Variants in CXADR observed in about 807,000 individuals in gnomAD.
CXADR encodes coxsackievirus and adenovirus receptor.
CXADR carries 20 observed loss-of-function variants against 40.3 expected under a neutral mutation model. The ratio of observed to expected loss-of-function variants is 0.50; its 90% CI spans 0.35 to 0.72. CXADR has a LOEUF of 0.72. Among genes scored for constraint, CXADR ranks in the 30% least tolerant of loss-of-function variants. The probability of loss-of-function intolerance (pLI) is 0.01; values close to 1 mark genes in which losing one functional copy is unlikely to be tolerated. For synonymous variants in CXADR, 150 were observed against 161.3 expected (o/e 0.93, Z 0.53); for missense variants, 332 against 449.1 (o/e 0.74, Z 2.36).
Position 17,568,635 on chromosome 21 carries a change from C to T in CXADR, c.*2943C>T, listed in dbSNP as rs547446586. 21 of 983,696 alleles carry T rather than the reference C, an allele frequency of 2.1e-5. No individual in the cohort carries two copies. The highest frequency in any genetic ancestry group is 1.9e-4 in the Admixed American group (3 of 16,146). 60.9% of individuals were successfully genotyped at this position (983,696 alleles called of 1,614,324 possible). ...CAAACTGCTGGGCTCAGGAGATCCT[C>T]CTGCCTTGGCCTCCCAAATTGCTGG... On this transcript the variant is annotated 3_prime_UTR_variant, in exon 7 of 7. Coordinates refer to ENST00000284878, the MANE Select transcript of CXADR (RefSeq NM_001338.5).
chr21:17,589,415 C>T lies in CXADR; in HGVS notation c.1018-3737C>T, dbSNP rs367927934. Among the ~76,000 whole-genome samples the T allele has an allele frequency of 1.8e-4, 28 of 152,074 alleles. No individual in the cohort carries two copies. The East Asian group carries it at 3.7e-3, about 20-fold the overall frequency. On this transcript the variant is annotated intron_variant, in intron 7 of 7. Transcript: ENST00000400169. ...CCCTTTGAGAAAGTGTCTTTTTACC[C>T]TCCAGTTACAAAGTAATAATGCTCA...
chr21:17,606,622 T>C, the CXADR span, among the ~76,000 whole-genome samples: 2 of 152,134 alleles, frequency 1.3e-5, no homozygotes, highest in African/African-American at 4.8e-5. Context: ...TATATAAATA[T>C]AGATGCTTAA....
chr21:17,635,381 C>G, the CXADR span, among the ~76,000 whole-genome samples: 1 of 151,962 alleles, frequency 6.6e-6, no homozygotes, highest in South Asian at 2.1e-4. Flanking sequence ...GGATGTTTTT[C>G]CTTTTATTTA....
chr21:17,623,483 C>T, the CXADR span, among the ~76,000 whole-genome samples: 1 of 152,158 alleles, frequency 6.6e-6, no homozygotes, highest in South Asian at 2.1e-4. Flanking sequence ...AGCATCACTC[C>T]TCTCTTTACA....
In CXADR at chr21:17,567,153, G is replaced by A; in HGVS notation, c.*1461G>A. On this transcript the variant is annotated 3_prime_UTR_variant, in exon 7 of 7. Transcript: ENST00000284878. ...CGGTCTGCAATAAATTATTTCACTA[G>A]CTCTAAAACCTTTCCCTAGATTTTA... 2 of 984,694 alleles carry A rather than the reference G, an allele frequency of 2.0e-6. No individual in the cohort carries two copies. The highest frequency in any genetic ancestry group is 2.4e-6 in the Non-Finnish European group (2 of 829,336). 61.0% of individuals were successfully genotyped at this position (984,694 alleles called of 1,614,324 possible). A position where few individuals can be genotyped will look rare whatever the true frequency, so the allele number is the denominator to read the frequency against.
intron 1 of CXADR, among the ~76,000 whole-genome samples, chr21:17,544,981 T>G (rs996145181): frequency 6.6e-6 from 1 of 152,088 alleles, no homozygotes; most frequent in Non-Finnish European, 1.5e-5. Context: ...TTTGGTTTGT[T>G]CTGTCAAAAT....
the CXADR span, among the ~76,000 whole-genome samples, chr21:17,610,426 G>C: frequency 5.3e-5 from 8 of 152,264 alleles, 1 homozygote; most frequent in South Asian, 1.7e-3. Flanking sequence ...CAAGTTAAGA[G>C]ACACAAAAAC....
chr21:17,561,569 T>A (rs1425506201), intron 6 of CXADR, 93 bp downstream of exon 6: 1 of 1,104,886 alleles, frequency 9.1e-7, no homozygotes, highest in Non-Finnish European at 1.3e-6. Flanking sequence ...CAAAGCATCT[T>A]TCTTAGGAGA....
intron 1 of CXADR, among the ~76,000 whole-genome samples, chr21:17,513,513 T>C (rs910525484): frequency 6.6e-5 from 10 of 152,238 alleles, no homozygotes; most frequent in Admixed American, 4.6e-4. Context: ...TTCTTTGCTC[T>C]CGCCGTCTCC....
At position 17,567,081 on chromosome 21, in the gene CXADR, G is replaced by A. The variant is rs934822342; in HGVS notation, c.*1389G>A. On this transcript the variant is annotated 3_prime_UTR_variant, in exon 7 of 7. Transcript: ENST00000284878. ...TTGTATTTCCCTTAAGATTGTGAGG[G>A]AGTGTGGATACAGTAGAATGAGCCA... is the stretch of plus-strand genomic sequence containing the variant. The A allele has an allele frequency of 5.1e-6, 5 of 981,468 alleles. No individual in the cohort carries two copies. In the African/African-American group the frequency reaches 8.7e-5, roughly 17 times the overall value. The allele number at this position is 981,468 out of a possible 1,614,324, so 60.8% of individuals were successfully genotyped here. A position where few individuals can be genotyped will look rare whatever the true frequency, so the allele number is the denominator to read the frequency against.
downstream of CXADR, among the ~76,000 whole-genome samples, chr21:17,573,321 C>T (rs1442998624): frequency 5.3e-5 from 8 of 152,228 alleles, no homozygotes; most frequent in South Asian, 8.3e-4. Flanking sequence ...GAGACTTCAA[C>T]ATAGAGGTGT....
chr21:17,575,280 G>T (rs188995730), intron 7 of CXADR, among the ~76,000 whole-genome samples: 1 of 152,070 alleles, frequency 6.6e-6, no homozygotes, highest in African/African-American at 2.4e-5. Flanking sequence ...GATCTTCTTT[G>T]CTCAGCAATA....
chr21:17,553,433 C>T (rs1311990855), intron 3 of CXADR, among the ~76,000 whole-genome samples: 1 of 152,032 alleles, frequency 6.6e-6, no homozygotes, highest in Non-Finnish European at 1.5e-5. Flanking sequence ...CATTCTGAAT[C>T]GCACTAACTA....
intron 7 of CXADR, among the ~76,000 whole-genome samples, chr21:17,590,363 G>C (rs2061426396): frequency 6.6e-6 from 1 of 151,728 alleles, no homozygotes; most frequent in South Asian, 2.1e-4. Context: ...ATTTGTTTTT[G>C]ATAAGGGTTA....
the CXADR span, chr21:17,611,946 G>A: frequency 6.6e-6 from 1 of 152,374 alleles, no homozygotes; most frequent in Non-Finnish European, 1.5e-5. Flanking sequence ...AGACTGGCCC[G>A]TGGGGTGAGG....
the CXADR span, among the ~76,000 whole-genome samples, chr21:17,624,498 C>A: frequency 6.6e-6 from 1 of 152,168 alleles, no homozygotes; most frequent in South Asian, 2.1e-4. Flanking sequence ...GAGCCAGAAA[C>A]AGTGCATGCT....
the CXADR span, among the ~76,000 whole-genome samples, chr21:17,625,501 T>C: frequency 6.6e-6 from 1 of 152,208 alleles, no homozygotes; most frequent in Non-Finnish European, 1.5e-5. Flanking sequence ...CTGTGATATA[T>C]AATTGATATA....
At chr21:17,513,782 T>C (rs1403861538) in intron 1 of CXADR, among the ~76,000 whole-genome samples, 1 of 152,186 alleles carries the variant, frequency 6.6e-6, no homozygotes, top group Admixed American at 6.5e-5. Flanking sequence ...ACGCGCATTG[T>C]GAAGGAGACC....
the CXADR span, chr21:17,609,190 T>C: frequency 6.3e-7 from 1 of 1,579,790 alleles, no homozygotes; most frequent in East Asian, 2.2e-5. Context: ...AAAAACAAAA[T>C]ATAAAAACTG....
Sources: allele counts gnomAD v4.1 joint callset (sites outside exome capture counted in the v4.1 genomes callset), GRCh38; gene constraint gnomAD v4.1.1; transcripts MANE v1.5; gene names NCBI Gene and HGNC (gene_info 2026-07-23, HGNC 2026-07-21).